Variants in NALF1 observed in about 807,000 individuals in gnomAD.
NALF1 encodes the protein NALCN channel auxiliary factor 1, also known as family with sequence similarity 155 member A.
Under a neutral mutation model 48.4 loss-of-function variants are expected in NALF1, and 3 were observed. The ratio of observed to expected loss-of-function variants is 0.06; its 90% CI spans 0.03 to 0.16. NALF1 has a LOEUF of 0.16. NALF1 is among the 10% of genes least tolerant of loss of function. The pLI, the probability that NALF1 is intolerant of heterozygous loss-of-function variation, is 1.00. For synonymous variants in NALF1, 262 were observed against 245.7 expected (o/e 1.07, Z -0.62); for missense variants, 526 against 571.5 (o/e 0.92, Z 0.81).
chr13:107,241,462 A>G (rs1051262805), intron 1 of NALF1, among the ~76,000 whole-genome samples: 3 of 152,218 alleles, frequency 2.0e-5, no homozygotes, highest in African/African-American at 7.2e-5. Context: ...CGCCTACTCA[A>G]TGAGAGCATG....
At chr13:107,855,439 G>T (rs1339741824) in intron 1 of NALF1, among the ~76,000 whole-genome samples, 1 of 152,168 alleles carries the variant, frequency 6.6e-6, no homozygotes, top group African/African-American at 2.4e-5. Flanking sequence ...TTCTTCCAAT[G>T]TGGCCCCCAG....
intron 1 of NALF1, among the ~76,000 whole-genome samples, chr13:107,484,151 T>C (rs1221347410): frequency 6.6e-6 from 1 of 152,152 alleles, no homozygotes; most frequent in African/African-American, 2.4e-5. Flanking sequence ...TCATTTATGA[T>C]AGCTTATTAA....
At chr13:107,695,971 A>G (rs1881690900) in intron 1 of NALF1, among the ~76,000 whole-genome samples, 1 of 149,460 alleles carries the variant, frequency 6.7e-6, no homozygotes, top group African/African-American at 2.5e-5. Context: ...ACCTTAGCTC[A>G]CTGCAACCTC....
At chr13:107,797,299 G>A (rs1052575222) in intron 1 of NALF1, among the ~76,000 whole-genome samples, 5 of 152,060 alleles carry the variant, frequency 3.3e-5, no homozygotes, top group East Asian at 1.9e-4. Flanking sequence ...TCTGCTTCCC[G>A]GGTTCATGCC....
chr13:107,707,203 T>G (rs1566451440), intron 1 of NALF1, among the ~76,000 whole-genome samples: 1 of 151,950 alleles, frequency 6.6e-6, no homozygotes, highest in Non-Finnish European at 1.5e-5. Context: ...ATTACAGGCG[T>G]GAGCCACCGC....
chr13:107,216,240 C>G (rs565857111), intron 1 of NALF1, among the ~76,000 whole-genome samples: 2 of 152,358 alleles, frequency 1.3e-5, no homozygotes, highest in East Asian at 3.9e-4. Flanking sequence ...GCAACCGCCT[C>G]AGGCTAATGC....
At chr13:107,378,216 A>C (rs1883372889) in intron 1 of NALF1, among the ~76,000 whole-genome samples, 1 of 152,170 alleles carries the variant, frequency 6.6e-6, no homozygotes, top group African/African-American at 2.4e-5. Context: ...TTTTATCCCC[A>C]AAACAAACCA....
chr13:107,680,487 T>C (rs563341963), intron 1 of NALF1, among the ~76,000 whole-genome samples: 1 of 151,890 alleles, frequency 6.6e-6, no homozygotes, highest in Non-Finnish European at 1.5e-5. Flanking sequence ...AGTGTGTGTA[T>C]GAGGATGGGC....
intron 1 of NALF1, among the ~76,000 whole-genome samples, chr13:107,557,334 G>A (rs1877510090): frequency 6.6e-6 from 1 of 152,150 alleles, no homozygotes; most frequent in Non-Finnish European, 1.5e-5. Context: ...TCTTGATGGG[G>A]TGGTAATGCT....
intron 1 of NALF1, among the ~76,000 whole-genome samples, chr13:107,406,757 G>GA (rs558711527): frequency 3.0e-4 from 45 of 150,212 alleles, no homozygotes; most frequent in African/African-American, 7.3e-4. Context: ...CACTGAAATA[G>GA]AAAAAAAAAT....
At chr13:107,821,079 A>G (rs192767808) in intron 1 of NALF1, among the ~76,000 whole-genome samples, 1 of 152,326 alleles carries the variant, frequency 6.6e-6, no homozygotes, top group African/African-American at 2.4e-5. Context: ...ATTGGTCTCT[A>G]GAGCTGAAAA....
chr13:107,567,529 A>G (rs1341612636), intron 1 of NALF1, among the ~76,000 whole-genome samples: 1 of 152,236 alleles, frequency 6.6e-6, no homozygotes, highest in Admixed American at 6.5e-5. Context: ...ATGACTACTC[A>G]GAGAAATCTT....
chr13:107,428,917 C>A (rs930391470), intron 1 of NALF1, among the ~76,000 whole-genome samples: 1 of 152,250 alleles, frequency 6.6e-6, no homozygotes, highest in South Asian at 2.1e-4. Flanking sequence ...AGTCAAAGGT[C>A]AATTCTTCAG....
intron 1 of NALF1, among the ~76,000 whole-genome samples, chr13:107,443,311 G>A (rs970374209): frequency 1.3e-5 from 2 of 152,072 alleles, no homozygotes; most frequent in African/African-American, 2.4e-5. Flanking sequence ...TACCTCCGGG[G>A]TTCAAGTGAT....
At chr13:107,197,226 ATCT>A (rs1879410274) in intron 2 of NALF1, among the ~76,000 whole-genome samples, 1 of 152,222 alleles carries the variant, frequency 6.6e-6, no homozygotes, top group African/African-American at 2.4e-5. Flanking sequence ...AGAAATAAAT[ATCT>A]TTTCTTTATA....
intron 1 of NALF1, among the ~76,000 whole-genome samples, chr13:107,715,000 G>T (rs1480036441): frequency 6.6e-6 from 1 of 151,694 alleles, no homozygotes; most frequent in Non-Finnish European, 1.5e-5. Context: ...TCTCATTTTT[G>T]AATTTTTTTA....
chr13:107,646,627 T>A (rs1374824923), intron 1 of NALF1, among the ~76,000 whole-genome samples: 1 of 152,152 alleles, frequency 6.6e-6, no homozygotes, highest in Admixed American at 6.5e-5. Context: ...TCTCTATTAA[T>A]GTAATCTGTA....
At chr13:107,494,165 A>G (rs561300119) in intron 1 of NALF1, among the ~76,000 whole-genome samples, 1 of 151,846 alleles carries the variant, frequency 6.6e-6, no homozygotes, top group East Asian at 1.9e-4. Context: ...TTCATACAGG[A>G]CCAACACTTG....
intron 1 of NALF1, among the ~76,000 whole-genome samples, chr13:107,356,075 T>A (rs1233214593): frequency 1.3e-5 from 2 of 152,138 alleles, no homozygotes; most frequent in Non-Finnish European, 2.9e-5. Flanking sequence ...GGGCCCTGGG[T>A]ACCCACTCCT....
Sources: gnomAD v4.1 joint callset for allele counts (sites outside exome capture counted in the v4.1 genomes callset) on GRCh38, gnomAD v4.1.1 for gene constraint, MANE v1.5 for transcripts, NCBI Gene and HGNC (gene_info 2026-07-23, HGNC 2026-07-21) for gene names.